The following CDK14 variants were observed in gnomAD, a reference collection of about 807,000 sequenced individuals.
The protein encoded by CDK14 is cyclin-dependent kinase 14.
CDK14 carries 34 observed loss-of-function variants against 60.7 expected under a neutral mutation model. That is an observed-to-expected ratio of 0.56 (90% confidence interval 0.43 to 0.75). The LOEUF (loss-of-function observed/expected upper bound fraction) is 0.75. Among genes scored for constraint, CDK14 ranks in the 30% least tolerant of loss-of-function variants. The probability of loss-of-function intolerance (pLI) is 0.00; values close to 1 mark genes in which losing one functional copy is unlikely to be tolerated. For missense variants in CDK14, 482 were observed against 564.1 expected (o/e 0.85, Z 1.47); for synonymous variants, 197 against 203.7 (o/e 0.97, Z 0.28).
chr7:90,974,314 A>G (rs1795009306), intron 9 of CDK14, among the ~76,000 whole-genome samples: 1 of 152,136 alleles, frequency 6.6e-6, no homozygotes, highest in South Asian at 2.1e-4. Flanking sequence ...CATGTTTTAC[A>G]AACAATTTGT....
intron 12 of CDK14, among the ~76,000 whole-genome samples, chr7:91,103,121 T>C (rs1381452125): frequency 2.0e-5 from 3 of 151,950 alleles, no homozygotes; most frequent in African/African-American, 7.3e-5. Context: ...GGCTTGGTGG[T>C]GTGCACCTGT....
intron 4 of CDK14, among the ~76,000 whole-genome samples, chr7:90,757,209 AGTGTGTGTGTGTGTGTGTGTGTGT>A (rs56790315): frequency 6.7e-5 from 8 of 120,298 alleles, no homozygotes; most frequent in Admixed American, 1.7e-4. Context: ...GCATTCTTCC[AGTGTGTGTGTGTGTGTGTGTGTGT>A]GTGTGTGTGT....
intron 2 of CDK14, among the ~76,000 whole-genome samples, chr7:90,683,294 C>T (rs1801358120): frequency 6.6e-6 from 1 of 152,126 alleles, no homozygotes; most frequent in Admixed American, 6.5e-5. Flanking sequence ...TAATTAATTA[C>T]TGTTTTTAAA....
intron 5 of CDK14, among the ~76,000 whole-genome samples, chr7:90,810,714 A>G (rs568501686): frequency 2.0e-5 from 3 of 151,830 alleles, no homozygotes; most frequent in Non-Finnish European, 4.4e-5. Context: ...TATCTAGAAA[A>G]CCCCATCGTC....
chr7:90,597,627 G>T (rs12704550), intron 1 of CDK14, among the ~76,000 whole-genome samples: 55,929 of 152,062 alleles, frequency 0.37, 11,232 homozygotes, highest in Non-Finnish European at 0.46. Flanking sequence ...GAGTCCCTAG[G>T]AAGCTGCCTA....
chr7:90,808,584 T>A (rs2117031017), intron 5 of CDK14, among the ~76,000 whole-genome samples: 1 of 152,198 alleles, frequency 6.6e-6, no homozygotes, highest in Non-Finnish European at 1.5e-5. Context: ...CCAGCTAACA[T>A]CATAATGACA....
chr7:90,937,121 A>C (rs769996617), intron 8 of CDK14, among the ~76,000 whole-genome samples: 7 of 152,184 alleles, frequency 4.6e-5, no homozygotes, highest in Non-Finnish European at 1.0e-4. Flanking sequence ...ACACATAAAT[A>C]AATAATTCAA....
intron 5 of CDK14, among the ~76,000 whole-genome samples, chr7:90,849,993 T>C (rs1242699722): frequency 2.0e-5 from 3 of 152,066 alleles, no homozygotes; most frequent in Non-Finnish European, 4.4e-5. Context: ...TAATCTGAAA[T>C]GTGTGTGGAA....
At chr7:91,028,838 G>T (rs1796678008) in intron 10 of CDK14, among the ~76,000 whole-genome samples, 2 of 152,050 alleles carry the variant, frequency 1.3e-5, no homozygotes, top group South Asian at 4.2e-4. Flanking sequence ...ACAGATTCTG[G>T]ATATTAGTCC....
chr7:91,207,074 T>C (rs568147616), intron 14 of CDK14, 91 bp from the exon 15 acceptor site: 1 of 152,210 alleles, frequency 6.6e-6, no homozygotes, highest in Non-Finnish European at 1.5e-5. Context: ...GGACTCACTT[T>C]GGACTGACCA....
At chr7:91,069,692 G>T (rs1461050790) in intron 11 of CDK14, among the ~76,000 whole-genome samples, 2 of 152,170 alleles carry the variant, frequency 1.3e-5, no homozygotes, top group African/African-American at 2.4e-5. Context: ...ATATGTGAAT[G>T]CTGTCTAAAT....
intron 6 of CDK14, among the ~76,000 whole-genome samples, chr7:90,880,241 C>T (rs1174658275): frequency 6.6e-6 from 1 of 152,244 alleles, no homozygotes; most frequent in Non-Finnish European, 1.5e-5. Context: ...TCCAGGCTTC[C>T]TCTGCTAGAG....
chr7:91,022,854 A>G (rs1279484394), intron 10 of CDK14, among the ~76,000 whole-genome samples: 1 of 152,140 alleles, frequency 6.6e-6, no homozygotes, highest in African/African-American at 2.4e-5. Flanking sequence ...GATATGCTGC[A>G]TGTAAGAAGA....
At chr7:90,976,940 C>T (rs2115587172) in intron 9 of CDK14, among the ~76,000 whole-genome samples, 1 of 152,146 alleles carries the variant, frequency 6.6e-6, no homozygotes, top group African/African-American at 2.4e-5. Context: ...AGTGTAGAAG[C>T]TTTTGGTTTG....
chr7:91,060,474 T>C (rs1396538126), intron 11 of CDK14, among the ~76,000 whole-genome samples: 1 of 152,212 alleles, frequency 6.6e-6, no homozygotes, highest in Non-Finnish European at 1.5e-5. Context: ...GCGCGTTAGT[T>C]GATGCAGTTT....
chr7:90,926,681 A>G (rs912774550), intron 8 of CDK14, among the ~76,000 whole-genome samples: 3 of 152,162 alleles, frequency 2.0e-5, no homozygotes, highest in African/African-American at 7.2e-5. Flanking sequence ...CCAATTCACC[A>G]ACACCTCAGA....
At chr7:90,743,946 G>A (rs1012126108) in intron 3 of CDK14, among the ~76,000 whole-genome samples, 1 of 150,730 alleles carries the variant, frequency 6.6e-6, no homozygotes, top group African/African-American at 2.4e-5. Flanking sequence ...TCCTTTAATA[G>A]GGGAAGTTGA....
chr7:90,710,261 C>G (rs141072726), intron 2 of CDK14: 11,821 of 985,178 alleles, frequency 0.012, 74 homozygotes, highest in Non-Finnish European at 0.013. Context: ...GCTTCTTTGC[C>G]ATATCTGAGT....
chr7:90,946,064 A>G (rs1464418272), intron 8 of CDK14, among the ~76,000 whole-genome samples: 1 of 152,286 alleles, frequency 6.6e-6, no homozygotes, highest in East Asian at 1.9e-4. Flanking sequence ...TGGATTAGAA[A>G]CAGTGGAGTG....
Sources: allele counts gnomAD v4.1 joint callset (sites outside exome capture counted in the v4.1 genomes callset), GRCh38; gene constraint gnomAD v4.1.1; transcripts MANE v1.5; gene names NCBI Gene and HGNC (gene_info 2026-07-23, HGNC 2026-07-21).